The following CTNNA3 variants were observed in gnomAD, a reference collection of about 807,000 sequenced individuals.
The protein encoded by CTNNA3 is catenin alpha 3.
CTNNA3 carries 76 observed loss-of-function variants against 95.7 expected under a neutral mutation model. That is an observed-to-expected ratio of 0.79 (90% CI 0.66 to 0.96). The LOEUF (loss-of-function observed/expected upper bound fraction) is 0.96. CTNNA3 is among the 40% of genes least tolerant of loss of function. The pLI is 0.00. For synonymous variants in CTNNA3, 431 were observed against 374.4 expected (o/e 1.15, Z -1.74); for missense variants, 1,191 against 1,089.8 (o/e 1.09, Z -1.31).
At position 66,409,145 on chromosome 10, in the gene CTNNA3, T is replaced by C. The variant is rs190965234; in HGVS notation, c.1532-29793A>G. The stretch of plus-strand genomic sequence containing the variant: ...AATAGTGAATCTGCCTCTAGAAATA[T>C]GGCTAATAAAGATGGCTTCAAATCA... On this transcript the variant is annotated intron_variant, in intron 11 of 17. Coordinates refer to ENST00000433211, the MANE Select transcript of CTNNA3 (RefSeq NM_013266.4). Among the ~76,000 whole-genome samples the C allele has an allele frequency of 9.8e-5, 15 of 152,294 alleles. No homozygotes were observed. In the East Asian group the frequency reaches 2.7e-3, roughly 27 times the overall value.
At chr10:67,698,898 A>G (rs1451339999), upstream of CTNNA3, among the ~76,000 whole-genome samples, 3 of 152,086 alleles carry the variant, frequency 2.0e-5, no homozygotes, top group Non-Finnish European at 4.4e-5. Flanking sequence ...CCTTATTATT[A>G]GCAGCTAACC....
intron 7 of CTNNA3, among the ~76,000 whole-genome samples, chr10:66,899,790 G>A (rs972544014): frequency 1.3e-5 from 2 of 152,046 alleles, no homozygotes; most frequent in Non-Finnish European, 2.9e-5. Context: ...CTGCAGCCTG[G>A]CAGGGGGAGA....
chr10:67,662,106 C>T (rs1415142309), intron 1 of CTNNA3, among the ~76,000 whole-genome samples: 3 of 152,122 alleles, frequency 2.0e-5, no homozygotes, highest in African/African-American at 7.2e-5. Flanking sequence ...TGGCCTTACT[C>T]ATAAGACAGT....
At chr10:67,739,180 G>C (rs1454377884) in intron 1 of CTNNA3, among the ~76,000 whole-genome samples, 2 of 152,110 alleles carry the variant, frequency 1.3e-5, no homozygotes, top group Non-Finnish European at 2.9e-5. Flanking sequence ...AAATGGTAAG[G>C]GCAGCCAGAG....
chr10:66,894,750 C>T (rs1422489611), intron 7 of CTNNA3, among the ~76,000 whole-genome samples: 4 of 151,682 alleles, frequency 2.6e-5, no homozygotes, highest in Non-Finnish European at 4.4e-5. Context: ...TTTCAAAGCA[C>T]AACAAGCTCA....
At chr10:66,767,469 AT>A (rs1306995707) in intron 8 of CTNNA3, among the ~76,000 whole-genome samples, 122 of 151,368 alleles carry the variant, frequency 8.1e-4, no homozygotes, top group African/African-American at 2.7e-3. Context: ...AAAAAAAAAA[AT>A]CATAATATCC....
intron 15 of CTNNA3, among the ~76,000 whole-genome samples, chr10:66,027,073 C>T (rs529928279): frequency 1.2e-4 from 18 of 151,798 alleles, no homozygotes; most frequent in Non-Finnish European, 2.5e-4. Context: ...AATTTTTTAG[C>T]TGTGGTTTTA....
chr10:66,415,193 C>T (rs2093136958), intron 11 of CTNNA3, among the ~76,000 whole-genome samples: 1 of 152,100 alleles, frequency 6.6e-6, no homozygotes, highest in Admixed American at 6.5e-5. Flanking sequence ...TGAAGATAAG[C>T]CAGCCTAGCC....
intron 15 of CTNNA3, among the ~76,000 whole-genome samples, chr10:66,017,821 T>C (rs1355579786): frequency 1.3e-5 from 2 of 152,112 alleles, no homozygotes; most frequent in East Asian, 3.9e-4. Flanking sequence ...CTTATAAATA[T>C]TGAGGTTAGG....
chr10:66,934,647 C>A (rs1399173045), intron 7 of CTNNA3, among the ~76,000 whole-genome samples: 2 of 152,014 alleles, frequency 1.3e-5, no homozygotes, highest in Non-Finnish European at 2.9e-5. Flanking sequence ...TAGCTAATTC[C>A]TAGAAAACAA....
intron 13 of CTNNA3, among the ~76,000 whole-genome samples, chr10:66,157,732 A>C (rs2084618458): frequency 6.6e-6 from 1 of 152,002 alleles, no homozygotes; most frequent in South Asian, 2.1e-4. Context: ...TTAATTCTTT[A>C]AGGAATCGCC....
chr10:66,889,379 G>C (rs1320363108), intron 7 of CTNNA3, among the ~76,000 whole-genome samples: 6 of 152,186 alleles, frequency 3.9e-5, no homozygotes, highest in African/African-American at 1.4e-4. Flanking sequence ...TGTGGGCTCT[G>C]GGTGATATGT....
rs914684623 is a variant in CTNNA3, at chr10:67,743,075, A to G, written c.-2+20359T>C. ...CACAGCCGAATTCTACCAGAGGTAC[A>G]AACAGGAGCTGGTACCATTCCTTCT... is the stretch of plus-strand genomic sequence containing the variant. On this transcript the variant is annotated intron_variant, in intron 1 of 17. Transcript: ENST00000684154. Among the ~76,000 whole-genome samples, 85 of 151,334 alleles carry G rather than the reference A, an allele frequency of 5.6e-4. 4 individuals are homozygous for G. Among genetic ancestry groups the G allele is most frequent in the Non-Finnish European group, 2.1e-4 (14 of 67,748 alleles).
intron 7 of CTNNA3, among the ~76,000 whole-genome samples, chr10:67,116,150 T>C (rs1564901646): frequency 1.3e-5 from 2 of 152,038 alleles, no homozygotes; most frequent in African/African-American, 4.8e-5. Flanking sequence ...TAATTTACTA[T>C]AAATGTCTTA....
chr10:66,750,687 G>T (rs932091536), intron 9 of CTNNA3, among the ~76,000 whole-genome samples: 2 of 152,094 alleles, frequency 1.3e-5, no homozygotes, highest in Admixed American at 6.6e-5. Flanking sequence ...TATTGAGTTG[G>T]CTATTCTGTG....
intron 1 of CTNNA3, among the ~76,000 whole-genome samples, chr10:67,763,010 G>A (rs1347171539): frequency 6.6e-6 from 1 of 152,122 alleles, no homozygotes; most frequent in African/African-American, 2.4e-5. Flanking sequence ...AAGTCTTGCC[G>A]ATGCTCCCAG....
intron 12 of CTNNA3, among the ~76,000 whole-genome samples, chr10:66,366,022 C>T (rs530706734): frequency 6.6e-6 from 1 of 152,262 alleles, no homozygotes; most frequent in African/African-American, 2.4e-5. Flanking sequence ...GGTTCATGAC[C>T]GTCAGACATT....
intron 9 of CTNNA3, among the ~76,000 whole-genome samples, chr10:66,708,984 AT>A (rs1848208304): frequency 6.6e-6 from 1 of 151,986 alleles, no homozygotes; most frequent in South Asian, 2.1e-4. Flanking sequence ...TTCTATACTT[AT>A]CACCTCACCA....
At chr10:66,755,422 A>C (rs1839324548) in intron 9 of CTNNA3, among the ~76,000 whole-genome samples, 1 of 152,170 alleles carries the variant, frequency 6.6e-6, no homozygotes, top group African/African-American at 2.4e-5. Context: ...GAAATGAGTG[A>C]ATTGTATAAA....
Sources: gnomAD v4.1 joint callset for allele counts (sites outside exome capture counted in the v4.1 genomes callset) on GRCh38, gnomAD v4.1.1 for gene constraint, MANE v1.5 for transcripts, NCBI Gene and HGNC (gene_info 2026-07-23, HGNC 2026-07-21) for gene names.